The following DMXL2 variants were observed in gnomAD, a reference collection of about 807,000 sequenced individuals.
The protein encoded by DMXL2 is dmX-like protein 2.
A neutral mutation model predicts 331.1 loss-of-function variants in DMXL2; 103 were observed. The observed-to-expected ratio is 0.31, with a 90% CI of 0.27 to 0.37. The LOEUF (loss-of-function observed/expected upper bound fraction) is 0.37, where lower values mean the gene tolerates loss of function less well. DMXL2 is among the 10% of genes least tolerant of loss of function. The pLI is 1.00. For missense variants in DMXL2, 3,171 were observed against 3,642.9 expected (o/e 0.87, Z 3.33); for synonymous variants, 1,281 against 1,252.1 (o/e 1.02, Z -0.49).
intron 1 of DMXL2, among the ~76,000 whole-genome samples, chr15:51,620,922 G>A (rs563102307): frequency 2.0e-5 from 3 of 152,172 alleles, no homozygotes; most frequent in Non-Finnish European, 4.4e-5. Flanking sequence ...CAGACCTGCC[G>A]TGAGACAGCA....
intron 6 of DMXL2, 121 bp downstream of exon 6, chr15:51,563,260 C>A: frequency 1.2e-6 from 1 of 815,168 alleles, no homozygotes; most frequent in South Asian, 1.7e-5. Context: ...TTCTTCAGGC[C>A]AGCTTTGCCA....
Position 51,568,566 on chromosome 15 carries a change from A to G in DMXL2, c.214-8T>C. On this transcript the variant is annotated splice_polypyrimidine_tract_variant and splice_region_variant and intron_variant, in intron 2 of 43. Coordinates refer to ENST00000560891, the MANE Select transcript of DMXL2 (RefSeq NM_001378457.1). ...ACCATATGAAGCTGCAATCTAAAAA[A>G]GAATAAATACAGCATTAATATCTAG... The G allele has an allele frequency of 6.4e-7, 1 of 1,556,308 alleles. No individual in the cohort carries two copies. Among genetic ancestry groups the G allele is most frequent in the Non-Finnish European group, 8.7e-7 (1 of 1,152,858 alleles).
chr15:51,562,321 G>A (rs2050022298), intron 6 of DMXL2, among the ~76,000 whole-genome samples: 1 of 151,912 alleles, frequency 6.6e-6, no homozygotes, highest in Non-Finnish European at 1.5e-5. Context: ...TCAAGCATAA[G>A]AAAAAAATCT....
chr15:51,517,545 G>T (rs1263269854), intron 13 of DMXL2, among the ~76,000 whole-genome samples: 1 of 152,202 alleles, frequency 6.6e-6, no homozygotes, highest in African/African-American at 2.4e-5. Context: ...TTGAGAAGAA[G>T]TGGGACTCTT....
At chr15:51,476,764 A>C in intron 26 of DMXL2, 45 bp from the exon 27 acceptor site, 2 of 1,520,924 alleles carry the variant, frequency 1.3e-6, no homozygotes, top group Non-Finnish European at 1.8e-6. Context: ...AGAGGTAATA[A>C]AAAATTGCAC....
In DMXL2 at chr15:51,506,430, T is replaced by A. The variant is rs570559341; in HGVS notation, c.2764+704A>T. ...ATAAGTCTCAGGCACTCAATCATATTTCATCAAACAGCAATTCTGCTTTTT... is the reference window on the plus strand; with the variant it reads ...ATAAGTCTCAGGCACTCAATCATATATCATCAAACAGCAATTCTGCTTTTT... On this transcript the variant is annotated intron_variant, in intron 16 of 43. Coordinates refer to ENST00000560891, the MANE Select transcript of DMXL2 (RefSeq NM_001378457.1). Among the ~76,000 whole-genome samples, 9 of 151,476 alleles carry A rather than the reference T, an allele frequency of 5.9e-5. No homozygotes were observed. The East Asian group carries it at 1.8e-3, about 30-fold the overall frequency.
chr15:51,554,875 A>G (rs1352402338), intron 6 of DMXL2, among the ~76,000 whole-genome samples: 1 of 152,196 alleles, frequency 6.6e-6, no homozygotes, highest in East Asian at 1.9e-4. Context: ...AGATCACTCC[A>G]GGCCAGGAAC....
chr15:51,472,583 T>C (rs1039247082), intron 28 of DMXL2, among the ~76,000 whole-genome samples: 1 of 152,180 alleles, frequency 6.6e-6, no homozygotes, highest in Non-Finnish European at 1.5e-5. Context: ...CTCTATGGAT[T>C]TACCTATTCA....
chr15:51,458,675 G>GAAAT, intron 35 of DMXL2, 34 bp downstream of exon 35: 5 of 1,613,766 alleles, frequency 3.1e-6, no homozygotes, highest in Non-Finnish European at 4.2e-6. Flanking sequence ...TCACTAAGGA[G>GAAAT]AAATACACTG....
chr15:51,555,901 C>A (rs907725733), intron 6 of DMXL2, among the ~76,000 whole-genome samples: 1 of 152,190 alleles, frequency 6.6e-6, no homozygotes, highest in Admixed American at 6.5e-5. Context: ...AAAACTATAT[C>A]AATCTTACAT....
intron 2 of DMXL2, among the ~76,000 whole-genome samples, chr15:51,571,264 A>C (rs886616971): frequency 6.6e-6 from 1 of 152,236 alleles, no homozygotes; most frequent in Non-Finnish European, 1.5e-5. Context: ...CACCTAATAC[A>C]GGAGCACCCA....
Position 51,448,908 on chromosome 15 carries a change from T to G in DMXL2, c.*76A>C. 1 of 1,406,638 alleles carries G rather than the reference T, an allele frequency of 7.1e-7. No homozygotes were observed. Among genetic ancestry groups the G allele is most frequent in the Non-Finnish European group, 9.8e-7 (1 of 1,015,712 alleles). 87.1% of individuals were successfully genotyped at this position (1,406,638 alleles called of 1,614,324 possible). On this transcript the variant is annotated 3_prime_UTR_variant, in exon 44 of 44. Transcript: ENST00000560891. ...ATTCTCTGTTTTCAATACAACTGCT[T>G]AGAAAGCAGAATTGCCTAGTGATGA...
intron 1 of DMXL2, among the ~76,000 whole-genome samples, chr15:51,598,532 T>C (rs2052998375): frequency 1.3e-5 from 2 of 152,236 alleles, no homozygotes; most frequent in Admixed American, 1.3e-4. Flanking sequence ...ATTAAGTGTT[T>C]AGCTATGTCT....
At chr15:51,450,680 C>A (rs1203212431) in intron 42 of DMXL2, 5 of 330,266 alleles carry the variant, frequency 1.5e-5, no homozygotes, top group Non-Finnish European at 2.9e-5. Flanking sequence ...ATTAACCCAG[C>A]CAAGTGCTGT....
At chr15:51,593,609 T>C (rs1162482544) in intron 1 of DMXL2, among the ~76,000 whole-genome samples, 1 of 152,166 alleles carries the variant, frequency 6.6e-6, no homozygotes, top group Non-Finnish European at 1.5e-5. Flanking sequence ...CAACAGAATA[T>C]ACATTCTTCT....
At chr15:51,513,508 A>G (rs2046872930) in intron 15 of DMXL2, among the ~76,000 whole-genome samples, 4 of 152,226 alleles carry the variant, frequency 2.6e-5, no homozygotes, top group Admixed American at 2.6e-4. Flanking sequence ...TGACGAGTGA[A>G]AAGATGTTTG....
intron 11 of DMXL2, among the ~76,000 whole-genome samples, chr15:51,537,077 T>C (rs2048328744): frequency 2.0e-5 from 3 of 152,112 alleles, no homozygotes; most frequent in Admixed American, 2.0e-4. Context: ...GCTTTGCTTG[T>C]ACAACAAAAT....
rs1426100404 is a variant in DMXL2, at chr15:51,538,252, C to T, written c.1306G>A (p.Glu436Lys). 6.2e-7 allele frequency: 1 copy of T among 1,613,634 alleles called. No homozygotes were observed. The highest frequency in any genetic ancestry group is 8.5e-7 in the Non-Finnish European group (1 of 1,179,772). Residue 436 changes from glutamate to lysine, a missense_variant, in exon 10 of 44, where the codon GAG becomes AAG. Around this residue, in one of 7 missense-constraint regions of DMXL2, gnomAD observed 1,674 missense variants for 1,780.2 expected, o/e 0.94. Coordinates refer to ENST00000560891, the MANE Select transcript of DMXL2 (RefSeq NM_001378457.1). The stretch of plus-strand genomic sequence containing the variant: ...ATATGTAAACCCCGTTCTCTATCCT[C>T]CTGTGAATGTTCCTCATCTTCTCTA... ...ADREDEEHSQ[E>K]DRERGLHMKL...
chr15:51,607,231 C>T (rs1172312786), intron 1 of DMXL2, among the ~76,000 whole-genome samples: 6 of 151,386 alleles, frequency 4.0e-5, no homozygotes, highest in African/African-American at 9.7e-5. Context: ...CCGAGGCAGG[C>T]GGATCACAAG....
Sources: gnomAD v4.1 joint callset for allele counts (sites outside exome capture counted in the v4.1 genomes callset) on GRCh38, gnomAD v4.1.1 for gene constraint, gnomAD v4.1.1 regional missense constraint, MANE v1.5 for transcripts, NCBI Gene and HGNC (gene_info 2026-07-23, HGNC 2026-07-21) for gene names.